Variants in PIAS1 observed in about 807,000 individuals in gnomAD.
The protein encoded by PIAS1 is E3 SUMO-protein ligase PIAS1.
In PIAS1, 6 loss-of-function variants were observed where a neutral mutation model predicts 71.3. That is an observed-to-expected ratio of 0.08 (90% CI 0.05 to 0.17). The LOEUF (loss-of-function observed/expected upper bound fraction) is 0.17. PIAS1 is among the 10% of genes least tolerant of loss of function. PIAS1 has a pLI of 1.00. For synonymous variants in PIAS1, 303 were observed against 292.9 expected (o/e 1.03, Z -0.35); for missense variants, 555 against 793.6 (o/e 0.70, Z 3.61).
At chr15:68,085,567 G>A (rs189515126) in intron 1 of PIAS1, among the ~76,000 whole-genome samples, 111 of 152,274 alleles carry the variant, frequency 7.3e-4, no homozygotes, top group African/African-American at 2.5e-3. Context: ...AGTGGAAAGA[G>A]CATGGGCTTT....
At chr15:68,115,701 A>T (rs1211348817) in intron 2 of PIAS1, among the ~76,000 whole-genome samples, 2 of 152,074 alleles carry the variant, frequency 1.3e-5, no homozygotes, top group East Asian at 3.9e-4. Context: ...ATCGATTTGA[A>T]GATGTTTACT....
At chr15:68,075,244 C>T (rs1452771916) in intron 1 of PIAS1, among the ~76,000 whole-genome samples, 2 of 151,720 alleles carry the variant, frequency 1.3e-5, no homozygotes, top group Non-Finnish European at 2.9e-5. Context: ...CACCACCACA[C>T]CTGGCTAATT....
At chr15:68,081,629 A>G (rs1314116555) in intron 1 of PIAS1, among the ~76,000 whole-genome samples, 1 of 152,166 alleles carries the variant, frequency 6.6e-6, no homozygotes, top group Admixed American at 6.5e-5. Context: ...GTTCATGGAA[A>G]TTAAAAATTT....
chr15:68,061,349 A>C (rs1380732422), intron 1 of PIAS1: 2 of 152,200 alleles, frequency 1.3e-5, no homozygotes, highest in Non-Finnish European at 1.5e-5. Flanking sequence ...TCCATGTTAA[A>C]AATTGTGCAA....
At chr15:68,108,658 CT>C (rs1158277252) in intron 2 of PIAS1, among the ~76,000 whole-genome samples, 1 of 152,154 alleles carries the variant, frequency 6.6e-6, no homozygotes, top group Non-Finnish European at 1.5e-5. Context: ...TCTAAAACAA[CT>C]TTTTTTCTTC....
rs2093091242 is a variant in PIAS1, at chr15:68,186,862, G to C, written c.1663-680G>C. Among the ~76,000 whole-genome samples the C allele has an allele frequency of 6.6e-6, 1 of 152,276 alleles. No homozygotes were observed. The highest frequency in any genetic ancestry group is 2.4e-5 in the African/African-American group (1 of 41,466). On this transcript the variant is annotated intron_variant, in intron 13 of 13. Transcript: ENST00000249636. This position sits in a 1 kb window ranked among gnomAD's most constrained non-coding sequence, Gnocchi z 4.4. ...CCAGACCACACAGCCTAGGTGTGTA[G>C]CAGGCTCTACTGTCTAGGTTTGTGC...
At position 68,187,616 on chromosome 15, in the gene PIAS1, G is replaced by T. The variant is rs747045223; in HGVS notation, c.1737G>T (p.Arg579=). ...SDDQDLLHSS[R]FFPYTSSQMF... Reference sequence around the variant, plus strand: ...ATCAAGACCTCCTACACTCGTCTCGGTTTTTCCCGTATACCTCCTCACAGA... The same window carrying T: ...ATCAAGACCTCCTACACTCGTCTCGTTTTTTCCCGTATACCTCCTCACAGA... The change falls in exon 14 of 14, where the codon CGG becomes CGT. Residue 579 remains arginine, a synonymous_variant. Coordinates refer to ENST00000249636, the MANE Select transcript of PIAS1 (RefSeq NM_016166.3). This position sits in a 1 kb window ranked among gnomAD's most constrained non-coding sequence, Gnocchi z 5.3. The T allele has an allele frequency of 3.1e-6, 5 of 1,613,976 alleles. No individual in the cohort carries two copies. The highest frequency in any genetic ancestry group is 1.1e-5 in the South Asian group (1 of 91,088).
intron 6 of PIAS1, 130 bp from the exon 7 acceptor site, chr15:68,153,444 ACTGTTCATGAAAACAC>A (rs2092863593): frequency 3.8e-6 from 2 of 522,872 alleles, no homozygotes; most frequent in South Asian, 5.6e-5. Context: ...TAAATGAATT[ACTGTTCATGAAAACAC>A]CTAAGACTGC....
At chr15:68,113,288 A>G (rs562700352) in intron 2 of PIAS1, among the ~76,000 whole-genome samples, 1 of 152,196 alleles carries the variant, frequency 6.6e-6, no homozygotes, top group Non-Finnish European at 1.5e-5. Context: ...GCTGTCAAGT[A>G]GTACAATTTT....
At chr15:68,095,946 GTAAA>G (rs2092371716) in intron 2 of PIAS1, among the ~76,000 whole-genome samples, 1 of 152,126 alleles carries the variant, frequency 6.6e-6, no homozygotes, top group South Asian at 2.1e-4. Flanking sequence ...AAACTGAAAT[GTAAA>G]TAAGCTTTAG....
intron 6 of PIAS1, among the ~76,000 whole-genome samples, chr15:68,148,493 A>G (rs1595766297): frequency 6.6e-6 from 1 of 152,026 alleles, no homozygotes; most frequent in African/African-American, 2.4e-5. Context: ...CAGTGGCACA[A>G]TCTCGGCTCA....
Position 68,142,041 on chromosome 15 carries a change from G to C in PIAS1, c.554+11G>C, listed in dbSNP as rs117588299. 13,340 of 1,568,174 alleles carry C rather than the reference G, an allele frequency of 8.5e-3. 95 individuals are homozygous for C. The highest frequency in any genetic ancestry group is 0.036 in the East Asian group (1,579 of 44,064). On this transcript the variant is annotated intron_variant, in intron 3 of 13. Transcript: ENST00000249636. ...AATCAGTAGTTCCATGTAAGTTGTC[G>C]TCAAGTGTAACTTGAAGTTTGACCT...
intron 2 of PIAS1, among the ~76,000 whole-genome samples, chr15:68,130,542 C>A (rs1412000603): frequency 2.0e-5 from 3 of 151,480 alleles, no homozygotes; most frequent in Admixed American, 2.0e-4. Context: ...GGGTTTGATA[C>A]ATTTGCTGGT....
chr15:68,135,255 T>C (rs1595755033), intron 2 of PIAS1, among the ~76,000 whole-genome samples: 2 of 18,390 alleles, frequency 1.1e-4, no homozygotes, highest in African/African-American at 2.4e-4. Context: ...CCCCCCCACC[T>C]CCCTCCCGGA....
chr15:68,074,136 A>G (rs2092130973), intron 1 of PIAS1, among the ~76,000 whole-genome samples: 1 of 152,260 alleles, frequency 6.6e-6, no homozygotes, highest in South Asian at 2.1e-4. Context: ...GGAGTTTAGG[A>G]GACCAAGGTT....
chr15:68,086,384 C>T lies in PIAS1; in HGVS notation c.103C>T (p.His35Tyr), dbSNP rs1335623770. 1 of 1,613,718 alleles carries T rather than the reference C, an allele frequency of 6.2e-7. No homozygotes were observed. Among genetic ancestry groups the T allele is most frequent in the East Asian group, 2.2e-5 (1 of 44,840 alleles). The change falls in exon 2 of 14, where the codon CAC becomes TAC. Residue 35 changes from histidine to tyrosine, a missense_variant. His to Tyr is a moderately conservative substitution (Grantham distance 83, BLOSUM62 2). Transcript: ENST00000249636. The surrounding 1 kb of genome is among the most constrained non-coding windows in gnomAD (Gnocchi z 7.2). The part of the protein sequence containing the change: ...YAGRNKHGRK[H>Y]ELLTKALHLL... ...CGGGAGAAACAAGCACGGACGCAAACACGAACTTCTCACAAAAGCCCTGCA... is the reference window on the plus strand; with the variant it reads ...CGGGAGAAACAAGCACGGACGCAAATACGAACTTCTCACAAAAGCCCTGCA...
chr15:68,118,185 G>C (rs2092581539), intron 2 of PIAS1, among the ~76,000 whole-genome samples: 1 of 152,056 alleles, frequency 6.6e-6, no homozygotes, highest in Admixed American at 6.5e-5. Flanking sequence ...GCCAGATGTG[G>C]TGGTGTGCAC....
At chr15:68,095,527 CTTTTTTT>C (rs1161480690) in intron 2 of PIAS1, among the ~76,000 whole-genome samples, 1 of 131,974 alleles carries the variant, frequency 7.6e-6, no homozygotes, top group East Asian at 2.2e-4. Flanking sequence ...TTAAGACATT[CTTTTTTT>C]TTTTTTTTTT....
At chr15:68,184,002 C>CTTT (rs550803946) in intron 13 of PIAS1, 1 of 152,206 alleles carries the variant, frequency 6.6e-6, no homozygotes, top group Non-Finnish European at 1.4e-5. Flanking sequence ...TGTACCTCTA[C>CTTT]TTTTTTTTTT....
Sources: gnomAD v4.1 joint callset for allele counts (sites outside exome capture counted in the v4.1 genomes callset) on GRCh38, gnomAD v4.1.1 for gene constraint, Gnocchi (gnomAD v3.1) non-coding constraint, MANE v1.5 for transcripts, NCBI Gene and HGNC (gene_info 2026-07-23, HGNC 2026-07-21) for gene names.